ADRA1B: variants seen among roughly 807,000 people sequenced by gnomAD.
The protein encoded by ADRA1B is alpha-1B adrenergic receptor.
Under a neutral mutation model 17.9 loss-of-function variants are expected in ADRA1B, and 17 were observed. The observed-to-expected ratio is 0.95, with a 90% CI of 0.65 to 1.42. The LOEUF (loss-of-function observed/expected upper bound fraction) is 1.42, where lower values mean the gene tolerates loss of function less well. ADRA1B is among the 40% of genes most tolerant of loss of function. The pLI, the probability that ADRA1B is intolerant of heterozygous loss-of-function variation, is 0.00. For missense variants in ADRA1B, 681 were observed against 722.1 expected, an observed-to-expected ratio of 0.94 and a Z score of 0.65; for synonymous variants, 366 against 327.6, an observed-to-expected ratio of 1.12 and a Z score of -1.27.
At chr5:159,942,857 CA>C (rs1198345425) in intron 1 of ADRA1B, among the ~76,000 whole-genome samples, 4 of 151,504 alleles carry the variant, frequency 2.6e-5, no homozygotes, top group Admixed American at 1.3e-4. Flanking sequence ...GGATGGTAGT[CA>C]AAAAAAATTG....
At chr5:159,891,064 C>G (rs76246290) in intron 1 of ADRA1B, among the ~76,000 whole-genome samples, 2,549 of 152,290 alleles carry the variant, frequency 0.017, 62 homozygotes, top group African/African-American at 0.058. Flanking sequence ...ACACCTACCC[C>G]CCCTCTAAGA....
chr5:159,971,812 G>C (rs1181411024), intron 1 of ADRA1B, 67 bp from the exon 2 acceptor site: 1 of 1,304,472 alleles, frequency 7.7e-7, no homozygotes, highest in Non-Finnish European at 9.8e-7. Context: ...AAGCATATTG[G>C]GGCGAGAGCT....
chr5:159,905,644 G>C (rs1240583413), intron 1 of ADRA1B, among the ~76,000 whole-genome samples: 1 of 152,182 alleles, frequency 6.6e-6, no homozygotes, highest in Non-Finnish European at 1.5e-5. Context: ...GACAGAGTGT[G>C]ATCAAAGAGT....
At chr5:159,953,493 G>A (rs1267991114) in intron 1 of ADRA1B, among the ~76,000 whole-genome samples, 1 of 152,152 alleles carries the variant, frequency 6.6e-6, no homozygotes, top group Non-Finnish European at 1.5e-5. Context: ...CCCCCACACT[G>A]AGTGTTCCAA....
upstream of ADRA1B, among the ~76,000 whole-genome samples, chr5:159,912,639 G>A (rs1754240249): frequency 6.6e-6 from 1 of 152,232 alleles, no homozygotes; most frequent in South Asian, 2.1e-4. Context: ...AAGGATGCAA[G>A]CTTTGGAGCC....
chr5:159,982,674 C>T, the ADRA1B span, among the ~76,000 whole-genome samples: 18 of 152,264 alleles, frequency 1.2e-4, no homozygotes, highest in African/African-American at 4.3e-4. Context: ...GGAAGCACCT[C>T]TCATCCTCCT....
upstream of ADRA1B, among the ~76,000 whole-genome samples, chr5:159,913,041 C>G (rs1180507836): frequency 2.6e-5 from 4 of 152,168 alleles, no homozygotes; most frequent in Non-Finnish European, 5.9e-5. Context: ...TGACAGATCT[C>G]CTCCCATAGA....
intron 1 of ADRA1B, among the ~76,000 whole-genome samples, chr5:159,943,596 T>C (rs1755192913): frequency 6.6e-6 from 1 of 152,078 alleles, no homozygotes; most frequent in East Asian, 1.9e-4. Context: ...TCTATCTAGG[T>C]AAAGCCTCGA....
intron 1 of ADRA1B, among the ~76,000 whole-genome samples, chr5:159,933,966 G>A (rs946382383): frequency 1.3e-5 from 2 of 152,110 alleles, no homozygotes; most frequent in African/African-American, 4.8e-5. Context: ...GAATGCAGTA[G>A]ACAGCGTATA....
intron 1 of ADRA1B, among the ~76,000 whole-genome samples, chr5:159,872,198 C>T (rs1301426212): frequency 6.6e-6 from 1 of 152,162 alleles, no homozygotes; most frequent in African/African-American, 2.4e-5. Flanking sequence ...GGCTCGTCAA[C>T]ATTGTTAGAA....
intron 1 of ADRA1B, chr5:159,947,792 A>G (rs749888721): frequency 3.7e-5 from 36 of 985,430 alleles, no homozygotes; most frequent in Non-Finnish European, 4.3e-5. Context: ...GAGTCTGGCC[A>G]CGTGAGGGAC....
At chr5:159,952,948 G>A (rs187281289) in intron 1 of ADRA1B, among the ~76,000 whole-genome samples, 25 of 152,316 alleles carry the variant, frequency 1.6e-4, no homozygotes, top group African/African-American at 5.8e-4. Flanking sequence ...TAGGCTTTCT[G>A]AAACACACTT....
intron 1 of ADRA1B, among the ~76,000 whole-genome samples, chr5:159,883,524 C>G (rs977622226): frequency 3.3e-5 from 5 of 152,234 alleles, no homozygotes; most frequent in African/African-American, 1.2e-4. Context: ...CCTAGAGCAA[C>G]AGTCAGTGCC....
Position 159,916,729 on chromosome 5 carries a change from G to A in ADRA1B, c.-177G>A. ...CTCTGACAGGCGAGCGAGCGACTCGGTGCAGGCAGGAGACGTGCTGCCGGG... is the reference window on the plus strand; with the variant it reads ...CTCTGACAGGCGAGCGAGCGACTCGATGCAGGCAGGAGACGTGCTGCCGGG... On this transcript the variant is annotated 5_prime_UTR_variant, in exon 1 of 2. In the 5' UTR this introduces an upstream ATG that the reference lacks. Coordinates refer to ENST00000306675, the MANE Select transcript of ADRA1B (RefSeq NM_000679.4). 1 of 621,498 alleles carries A rather than the reference G, an allele frequency of 1.6e-6. No homozygotes were observed. The highest frequency in any genetic ancestry group is 2.8e-6 in the Non-Finnish European group (1 of 351,048). 38.5% of individuals were successfully genotyped at this position (621,498 alleles called of 1,614,324 possible).
chr5:159,899,979 C>T (rs1754084265), intron 1 of ADRA1B, among the ~76,000 whole-genome samples: 1 of 152,154 alleles, frequency 6.6e-6, no homozygotes, highest in Non-Finnish European at 1.5e-5. Context: ...TCCAAATACC[C>T]AACTAATATA....
intron 1 of ADRA1B, among the ~76,000 whole-genome samples, chr5:159,969,525 A>G (rs1755831339): frequency 6.6e-6 from 1 of 152,206 alleles, no homozygotes; most frequent in Admixed American, 6.5e-5. Flanking sequence ...GCTACTCTCT[A>G]GGTCTTGGTG....
At chr5:159,893,743 C>T (rs1321862128) in intron 1 of ADRA1B, among the ~76,000 whole-genome samples, 3 of 152,156 alleles carry the variant, frequency 2.0e-5, no homozygotes, top group South Asian at 2.1e-4. Context: ...GACAGGCAGT[C>T]GGGGGCTCAA....
intron 1 of ADRA1B, among the ~76,000 whole-genome samples, chr5:159,903,945 TAC>T (rs574081972): frequency 6.3e-4 from 96 of 152,094 alleles, no homozygotes; most frequent in South Asian, 5.4e-3. Context: ...ACCTGACCTG[TAC>T]ACACACACAC....
chr5:159,958,033 G>A (rs763349267), intron 1 of ADRA1B, among the ~76,000 whole-genome samples: 1 of 144,030 alleles, frequency 6.9e-6, no homozygotes, highest in Non-Finnish European at 1.5e-5. Context: ...TTCTTCTTTT[G>A]TTTTTGAAAT....
Sources: allele counts gnomAD v4.1 joint callset (sites outside exome capture counted in the v4.1 genomes callset), GRCh38; gene constraint gnomAD v4.1.1; transcripts MANE v1.5; gene names NCBI Gene and HGNC (gene_info 2026-07-23, HGNC 2026-07-21).